Variants in NEDD4L observed in about 807,000 individuals in gnomAD.
The protein encoded by NEDD4L is E3 ubiquitin-protein ligase NEDD4-like.
In NEDD4L, 54 loss-of-function variants were observed where a neutral mutation model predicts 148.9. The ratio of observed to expected loss-of-function variants is 0.36; its 90% CI spans 0.29 to 0.45. The LOEUF is 0.45. Among genes scored for constraint, NEDD4L ranks in the 20% least tolerant of loss-of-function variants. The pLI is 1.00. For synonymous variants in NEDD4L, 433 were observed against 440.7 expected, an observed-to-expected ratio of 0.98 and a Z score of 0.22; for missense variants, 856 against 1,233.8, an observed-to-expected ratio of 0.69 and a Z score of 4.59.
At chr18:58,279,897 C>T (rs919438015) in intron 5 of NEDD4L, among the ~76,000 whole-genome samples, 1 of 152,176 alleles carries the variant, frequency 6.6e-6, no homozygotes, top group South Asian at 2.1e-4. Context: ...GTAACATACA[C>T]GGATGTTGAG....
chr18:58,119,990 A>ATGATATC (rs1247698727), intron 1 of NEDD4L, among the ~76,000 whole-genome samples: 13 of 152,192 alleles, frequency 8.5e-5, no homozygotes, highest in South Asian at 6.2e-4. Flanking sequence ...TTGTGGAGCA[A>ATGATATC]GCCATCTGAT....
chr18:58,239,870 A>T (rs116240198), intron 2 of NEDD4L, among the ~76,000 whole-genome samples: 1,949 of 152,308 alleles, frequency 0.013, 31 homozygotes, highest in African/African-American at 0.044. Context: ...CTCTATTAGA[A>T]CTGGAGCAGA....
chr18:58,278,907 T>C (rs961997303), intron 5 of NEDD4L, among the ~76,000 whole-genome samples: 8 of 152,212 alleles, frequency 5.3e-5, no homozygotes, highest in Non-Finnish European at 1.2e-4. Flanking sequence ...AGTCTCACTC[T>C]GTCACCCAGG....
chr18:58,163,150 G>A (rs898498942), intron 1 of NEDD4L, among the ~76,000 whole-genome samples: 13 of 152,184 alleles, frequency 8.5e-5, no homozygotes, highest in Admixed American at 2.6e-4. Context: ...TGATCGTAGC[G>A]CACTGCAGCC....
At chr18:58,100,355 T>C (rs1246586870) in intron 1 of NEDD4L, among the ~76,000 whole-genome samples, 1 of 152,218 alleles carries the variant, frequency 6.6e-6, no homozygotes, top group Admixed American at 6.5e-5. Flanking sequence ...GTAATGACAG[T>C]GTAATTTACT....
intron 1 of NEDD4L, among the ~76,000 whole-genome samples, chr18:58,077,538 G>T (rs950500257): frequency 6.6e-6 from 1 of 152,058 alleles, no homozygotes; most frequent in Admixed American, 6.6e-5. Flanking sequence ...TTTAATATTT[G>T]TTTTGTTTCT....
chr18:58,288,800 CA>C (rs1241277355), intron 5 of NEDD4L, among the ~76,000 whole-genome samples: 2 of 151,814 alleles, frequency 1.3e-5, no homozygotes, highest in African/African-American at 4.8e-5. Flanking sequence ...AAACTTGCTT[CA>C]AAAAAACTAA....
At chr18:58,222,806 C>CTTA (rs1406647729) in intron 2 of NEDD4L, among the ~76,000 whole-genome samples, 3 of 152,198 alleles carry the variant, frequency 2.0e-5, no homozygotes, top group Non-Finnish European at 4.4e-5. Context: ...TTCTTTAGTA[C>CTTA]TTATTTCATA....
At position 58,390,749 on chromosome 18, in the gene NEDD4L, A is replaced by G; in HGVS notation, c.2752+7A>G. On this transcript the variant is annotated splice_region_variant and intron_variant, in intron 29 of 30. Coordinates refer to ENST00000400345, the MANE Select transcript of NEDD4L (RefSeq NM_001144967.3). ...GGATTTGCCGAACTTTATGGTGAGCAGGATACCATTGGATTCAGTTGTCCT... is the reference window on the plus strand; with the variant it reads ...GGATTTGCCGAACTTTATGGTGAGCGGGATACCATTGGATTCAGTTGTCCT... 1 of 1,572,354 alleles carries G rather than the reference A, an allele frequency of 6.4e-7. No individual in the cohort carries two copies. Among genetic ancestry groups the G allele is most frequent in the Non-Finnish European group, 8.7e-7 (1 of 1,152,956 alleles).
chr18:58,346,610 T>C (rs941549657), intron 16 of NEDD4L, among the ~76,000 whole-genome samples: 1 of 152,254 alleles, frequency 6.6e-6, no homozygotes, highest in African/African-American at 2.4e-5. Context: ...AGGCACTTTT[T>C]TTTAATCCCT....
chr18:58,086,190 G>C (rs192493023), intron 1 of NEDD4L, among the ~76,000 whole-genome samples: 1 of 152,168 alleles, frequency 6.6e-6, no homozygotes, highest in Admixed American at 6.5e-5. Flanking sequence ...AGAATATAGA[G>C]CCTTGATTGG....
At chr18:58,100,791 GTTTTTA>G (rs35416657) in intron 1 of NEDD4L, among the ~76,000 whole-genome samples, 13,786 of 151,826 alleles carry the variant, frequency 0.091, 662 homozygotes, top group Non-Finnish European at 0.11. Flanking sequence ...AAGAAAGAAT[GTTTTTA>G]TTTTTAATTA....
intron 1 of NEDD4L, chr18:58,091,467 G>A (rs2084066912): frequency 6.6e-6 from 1 of 152,208 alleles, no homozygotes; most frequent in Non-Finnish European, 1.5e-5. Context: ...TTCCTGATGG[G>A]GGCTGGTATG....
At chr18:58,278,464 C>T (rs775604332) in intron 5 of NEDD4L, among the ~76,000 whole-genome samples, 2 of 152,246 alleles carry the variant, frequency 1.3e-5, no homozygotes, top group East Asian at 1.9e-4. Context: ...TTCTAATCCA[C>T]GTCCCACATT....
chr18:58,264,142 A>G (rs1245124103), intron 5 of NEDD4L, among the ~76,000 whole-genome samples: 1 of 152,090 alleles, frequency 6.6e-6, no homozygotes, highest in African/African-American at 2.4e-5. Context: ...TACTACAGTA[A>G]TTATCTTTTT....
chr18:58,209,191 CT>C lies in NEDD4L; in HGVS notation c.123-36235del, dbSNP rs369260491. Among the ~76,000 whole-genome samples the C allele has an allele frequency of 8.7e-4, 29 of 33,206 alleles. 2 individuals carry two copies. The highest frequency in any genetic ancestry group is 2.2e-3 in the Non-Finnish European group (23 of 10,518). 21.8% of individuals were successfully genotyped at this position (33,206 alleles called of 152,430 possible). ...CCCTCATCCTGCCCCCCTCCTCTTCCTCCACCTCCTCCTCCTCCCTTACCTC... is the reference window on the plus strand; with the variant it reads ...CCCTCATCCTGCCCCCCTCCTCTTCCCCACCTCCTCCTCCTCCCTTACCTC... On this transcript the variant is annotated intron_variant, in intron 2 of 30. Coordinates refer to ENST00000400345, the MANE Select transcript of NEDD4L (RefSeq NM_001144967.3).
intron 2 of NEDD4L, among the ~76,000 whole-genome samples, chr18:58,223,884 C>T (rs557458107): frequency 3.3e-5 from 5 of 152,150 alleles, no homozygotes; most frequent in South Asian, 2.1e-4. Flanking sequence ...AAGGGTCACT[C>T]GACACACCCT....
chr18:58,333,336 CA>C (rs2041276330), intron 11 of NEDD4L, among the ~76,000 whole-genome samples: 1 of 151,002 alleles, frequency 6.6e-6, no homozygotes, highest in Non-Finnish European at 1.5e-5. Context: ...AGAAGTAGGC[CA>C]AGATGATGTC....
intron 20 of NEDD4L, among the ~76,000 whole-genome samples, chr18:58,364,712 G>A (rs1296187397): frequency 1.3e-5 from 2 of 152,126 alleles, no homozygotes; most frequent in Non-Finnish European, 2.9e-5. Flanking sequence ...AAATGTTCAA[G>A]TCCTTCCTTG....
Sources: gnomAD v4.1 joint callset for allele counts (sites outside exome capture counted in the v4.1 genomes callset) on GRCh38, gnomAD v4.1.1 for gene constraint, MANE v1.5 for transcripts, NCBI Gene and HGNC (gene_info 2026-07-23, HGNC 2026-07-21) for gene names.